Variants in ZMIZ1 observed in about 807,000 individuals in gnomAD.
ZMIZ1 encodes zinc finger MIZ-type containing 1, also known as zinc finger MIZ domain-containing protein 1.
Under a neutral mutation model 113.9 loss-of-function variants are expected in ZMIZ1, and 17 were observed. The observed-to-expected ratio is 0.15, with a 90% CI of 0.10 to 0.22. The LOEUF (loss-of-function observed/expected upper bound fraction) is 0.22, where lower values mean the gene tolerates loss of function less well. Among genes scored for constraint, ZMIZ1 ranks in the 10% least tolerant of loss-of-function variants. The pLI is 1.00. For missense variants in ZMIZ1, 1,059 were observed against 1,477.8 expected (o/e 0.72, Z 4.65); for synonymous variants, 607 against 603.1 (o/e 1.01, Z -0.09).
chr10:79,257,803 C>T (rs1411098862), intron 7 of ZMIZ1, among the ~76,000 whole-genome samples: 4 of 152,216 alleles, frequency 2.6e-5, no homozygotes, highest in Admixed American at 2.0e-4. Flanking sequence ...TTATGGTTTG[C>T]ACCGTCTTTA....
intron 4 of ZMIZ1, among the ~76,000 whole-genome samples, chr10:79,174,151 A>T (rs1419311855): frequency 6.6e-6 from 1 of 152,192 alleles, no homozygotes. Flanking sequence ...CGGCCAGCAC[A>T]GGTTGCACCC....
At chr10:79,147,722 A>G (rs1207943869) in intron 3 of ZMIZ1, among the ~76,000 whole-genome samples, 6 of 152,204 alleles carry the variant, frequency 3.9e-5, no homozygotes, top group African/African-American at 1.2e-4. Context: ...CAACCCCTAC[A>G]TTGTTGCAGG....
intron 3 of ZMIZ1, among the ~76,000 whole-genome samples, chr10:79,141,596 T>G (rs1459640392): frequency 1.3e-5 from 2 of 152,106 alleles, no homozygotes; most frequent in African/African-American, 4.8e-5. Flanking sequence ...TTAGTAGAGA[T>G]GGGGTTTTCC....
At position 79,231,309 on chromosome 10, in the gene ZMIZ1, G is replaced by A. The variant is rs144162405; in HGVS notation, c.280+15035G>A. The stretch of plus-strand genomic sequence containing the variant: ...GTCATCCAGGCTGGAGTGCAATGGC[G>A]CGATCTCAGCTCACTGCAACCTCTG... On this transcript the variant is annotated intron_variant, in intron 7 of 24. Coordinates refer to ENST00000334512, the MANE Select transcript of ZMIZ1 (RefSeq NM_020338.4). 7.1e-3 allele frequency among the ~76,000 whole-genome samples: 1,077 copies of A among 152,182 alleles called. 5 individuals are homozygous for A. The highest frequency in any genetic ancestry group is 0.025 in the African/African-American group (1,019 of 41,514).
chr10:79,081,525 T>G (rs1269251228), intron 1 of ZMIZ1, among the ~76,000 whole-genome samples: 1 of 152,172 alleles, frequency 6.6e-6, no homozygotes, highest in East Asian at 1.9e-4. Flanking sequence ...GAGAAGGCCG[T>G]CTGTCTTCCT....
rs1484218967 is a variant in ZMIZ1 at position 79,305,416 on chromosome 10, G to A, written c.2355-117G>A. The A allele has an allele frequency of 2.3e-6, 3 of 1,284,758 alleles. No individual in the cohort carries two copies. The African/African-American group carries it at 4.4e-5, about 19-fold the overall frequency. The allele number at this position is 1,284,758 out of a possible 1,614,324, so 79.6% of individuals were successfully genotyped here. Reference sequence around the variant, plus strand: ...CGCGGTCAGAGTCCCCCTCTCTTGTGCCTCCAGTAGTAACCAGCAGCAGGG... The same window carrying A: ...CGCGGTCAGAGTCCCCCTCTCTTGTACCTCCAGTAGTAACCAGCAGCAGGG... On this transcript the variant is annotated intron_variant, in intron 20 of 24. Coordinates refer to ENST00000334512, the MANE Select transcript of ZMIZ1 (RefSeq NM_020338.4).
intron 7 of ZMIZ1, among the ~76,000 whole-genome samples, chr10:79,243,385 G>A (rs1281303556): frequency 6.7e-6 from 1 of 149,180 alleles, no homozygotes; most frequent in East Asian, 2.0e-4. Flanking sequence ...CGGAGCCTCC[G>A]CCTATGATTG....
intron 3 of ZMIZ1, among the ~76,000 whole-genome samples, chr10:79,149,576 T>G: frequency 6.6e-6 from 1 of 152,156 alleles, no homozygotes; most frequent in East Asian, 1.9e-4. Context: ...CTCCAGACAC[T>G]TCAGGGGTTC....
chr10:79,093,646 CAT>C (rs1201141931), intron 1 of ZMIZ1, among the ~76,000 whole-genome samples: 2 of 152,134 alleles, frequency 1.3e-5, no homozygotes, highest in African/African-American at 4.8e-5. Flanking sequence ...GTTTTACACA[CAT>C]GCGTACGTGA....
intron 7 of ZMIZ1, among the ~76,000 whole-genome samples, chr10:79,261,792 T>C (rs1201117826): frequency 2.0e-5 from 3 of 152,206 alleles, no homozygotes; most frequent in East Asian, 1.9e-4. Context: ...CCATAGCCAC[T>C]GTCAAGGTTA....
intron 4 of ZMIZ1, among the ~76,000 whole-genome samples, chr10:79,179,816 G>T (rs749926590): frequency 6.6e-6 from 1 of 152,276 alleles, no homozygotes; most frequent in Non-Finnish European, 1.5e-5. Flanking sequence ...CCACAAGGGG[G>T]CAGAGGAGGG....
In ZMIZ1 at chr10:79,314,073, T is replaced by G. The variant is rs369236510; in HGVS notation, c.*1324T>G. ...CCCTTGGCTGCCAGCCTACCCTGCC[T>G]GCACTCCTCCACCATCACAATCTCA... On this transcript the variant is annotated 3_prime_UTR_variant, in exon 25 of 25. Transcript: ENST00000334512. 819 of 456,966 alleles carry G rather than the reference T, an allele frequency of 1.8e-3. 12 individuals are homozygous for G. Among genetic ancestry groups the G allele is most frequent in the South Asian group, 0.012 (794 of 64,574 alleles). The allele number at this position is 456,966 out of a possible 1,614,324, so 28.3% of individuals were successfully genotyped here. A position where few individuals can be genotyped will look rare whatever the true frequency, so the allele number is the denominator to read the frequency against.
chr10:79,105,648 G>T (rs1442363599), intron 1 of ZMIZ1, among the ~76,000 whole-genome samples: 1 of 152,218 alleles, frequency 6.6e-6, no homozygotes, highest in Non-Finnish European at 1.5e-5. Flanking sequence ...GGAGCCTCCA[G>T]CAGGCAGGCA....
chr10:79,138,894 A>C (rs1490307523), intron 2 of ZMIZ1, among the ~76,000 whole-genome samples: 1 of 152,252 alleles, frequency 6.6e-6, no homozygotes, highest in Non-Finnish European at 1.5e-5. Flanking sequence ...GAGCTTAAAA[A>C]AAAAGTGAGT....
intron 3 of ZMIZ1, among the ~76,000 whole-genome samples, chr10:79,156,583 A>G (rs1419932220): frequency 1.3e-5 from 2 of 152,218 alleles, no homozygotes; most frequent in East Asian, 3.9e-4. Context: ...AGGAGCGGAA[A>G]GCAGGCCCAG....
chr10:79,200,801 G>T (rs571300441), intron 4 of ZMIZ1, among the ~76,000 whole-genome samples: 9 of 145,858 alleles, frequency 6.2e-5, no homozygotes, highest in African/African-American at 2.0e-4. Context: ...GACTGGGGGA[G>T]GGCAGATGCC....
At chr10:79,074,901 C>T (rs576857801) in intron 1 of ZMIZ1, among the ~76,000 whole-genome samples, 4 of 152,376 alleles carry the variant, frequency 2.6e-5, no homozygotes, top group Admixed American at 2.6e-4. Flanking sequence ...GGGAGGGCCC[C>T]AGGCCCTGCC....
chr10:79,109,642 G>A (rs948091818), intron 1 of ZMIZ1, among the ~76,000 whole-genome samples: 3 of 152,158 alleles, frequency 2.0e-5, no homozygotes, highest in Non-Finnish European at 2.9e-5. Flanking sequence ...CTATGCACTC[G>A]CCCATATTCT....
intron 7 of ZMIZ1, among the ~76,000 whole-genome samples, chr10:79,263,106 C>T (rs904664093): frequency 2.6e-5 from 4 of 152,216 alleles, no homozygotes; most frequent in Admixed American, 2.0e-4. Flanking sequence ...CAGAAGGGAG[C>T]GCGTAAGTAC....
Sources: allele counts gnomAD v4.1 joint callset (sites outside exome capture counted in the v4.1 genomes callset), GRCh38; gene constraint gnomAD v4.1.1; transcripts MANE v1.5; gene names NCBI Gene and HGNC (gene_info 2026-07-23, HGNC 2026-07-21).